The following NOL4 variants were observed in gnomAD, a reference collection of about 807,000 sequenced individuals.
The protein encoded by NOL4 is cancer/testis antigen 125.
NOL4 carries 17 observed loss-of-function variants against 75.9 expected under a neutral mutation model. The ratio of observed to expected loss-of-function variants is 0.22; its 90% CI spans 0.15 to 0.34. NOL4 has a LOEUF of 0.34. NOL4 is among the 10% of genes least tolerant of loss of function. The pLI is 1.00. For missense variants in NOL4, 614 were observed against 793.5 expected (o/e 0.77, Z 2.72); for synonymous variants, 292 against 289.9 (o/e 1.01, Z -0.07).
chr18:34,079,265 G>T (rs988038320), intron 5 of NOL4, among the ~76,000 whole-genome samples: 2 of 152,020 alleles, frequency 1.3e-5, no homozygotes, highest in African/African-American at 4.8e-5. Flanking sequence ...CGCATCATAT[G>T]TCTATCATTG....
At chr18:33,886,294 G>A (rs1475263818) in intron 9 of NOL4, among the ~76,000 whole-genome samples, 12 of 152,002 alleles carry the variant, frequency 7.9e-5, no homozygotes, top group African/African-American at 1.9e-4. Flanking sequence ...TTGGGAGGCT[G>A]AGCCGGGTGG....
At chr18:33,948,503 G>T (rs1284472899) in intron 8 of NOL4, among the ~76,000 whole-genome samples, 1 of 151,916 alleles carries the variant, frequency 6.6e-6, no homozygotes, top group African/African-American at 2.4e-5. Context: ...GAGATAGTCT[G>T]CAACTAAGTC....
At position 33,851,675 on chromosome 18, in the gene NOL4, T is replaced by C. The variant is rs2144076817; in HGVS notation, c.*1167A>G. 6.6e-6 allele frequency: 1 copy of C among 152,500 alleles called. No homozygotes were observed. The highest frequency in any genetic ancestry group is 2.1e-4 in the South Asian group (1 of 4,826). 9.4% of individuals were successfully genotyped at this position (152,500 alleles called of 1,614,324 possible). The stretch of plus-strand genomic sequence containing the variant: ...ACAAAGAAAACATCACTCATGTGTA[T>C]CCCACACTATAAAATAAGAAAGAAG... On this transcript the variant is annotated 3_prime_UTR_variant, in exon 11 of 11. Coordinates refer to ENST00000261592, the MANE Select transcript of NOL4 (RefSeq NM_003787.5).
At chr18:34,125,348 G>A (rs1321969496) in intron 2 of NOL4, among the ~76,000 whole-genome samples, 4 of 152,158 alleles carry the variant, frequency 2.6e-5, no homozygotes, top group African/African-American at 9.7e-5. Context: ...ATATGTGAGT[G>A]AATTGTGGCC....
intron 1 of NOL4, among the ~76,000 whole-genome samples, chr18:34,190,076 A>ACG (rs1467629827): frequency 4.0e-5 from 6 of 149,358 alleles, no homozygotes; most frequent in Non-Finnish European, 8.9e-5. Context: ...ATATACATAC[A>ACG]CACACACACA....
intron 6 of NOL4, among the ~76,000 whole-genome samples, chr18:34,016,158 A>G (rs1478855182): frequency 6.6e-6 from 1 of 152,098 alleles, no homozygotes. Flanking sequence ...AGTCCTGCAA[A>G]TACAATGTCA....
intron 7 of NOL4, among the ~76,000 whole-genome samples, 189 bp from the exon 8 acceptor site, chr18:33,957,706 TAGAG>T (rs1267674166): frequency 6.6e-6 from 1 of 151,702 alleles, no homozygotes; most frequent in African/African-American, 2.4e-5. Context: ...GATTAAAAAA[TAGAG>T]AGAAAAAGAG....
intron 9 of NOL4, among the ~76,000 whole-genome samples, chr18:33,913,792 G>T (rs1269230658): frequency 6.6e-6 from 1 of 152,118 alleles, no homozygotes; most frequent in Non-Finnish European, 1.5e-5. Flanking sequence ...GCCACACTAT[G>T]AGACACACAA....
intron 2 of NOL4, among the ~76,000 whole-genome samples, chr18:34,123,397 C>A (rs2080235742): frequency 6.6e-6 from 1 of 151,132 alleles, no homozygotes; most frequent in South Asian, 2.1e-4. Flanking sequence ...ATTTAGAAAT[C>A]ACTTGTGTAA....
intron 9 of NOL4, among the ~76,000 whole-genome samples, chr18:33,935,177 A>G (rs1421961519): frequency 6.6e-6 from 1 of 152,060 alleles, no homozygotes; most frequent in African/African-American, 2.4e-5. Flanking sequence ...GTAGCATTCT[A>G]ATATTCTCCA....
intron 5 of NOL4, among the ~76,000 whole-genome samples, chr18:34,054,383 A>G (rs987889721): frequency 3.3e-5 from 5 of 151,842 alleles, no homozygotes; most frequent in African/African-American, 1.2e-4. Flanking sequence ...GGGAACTCTG[A>G]TATTGGGTGC....
intron 4 of NOL4, among the ~76,000 whole-genome samples, chr18:34,102,012 A>G (rs1462086480): frequency 1.3e-5 from 2 of 151,872 alleles, no homozygotes; most frequent in African/African-American, 4.8e-5. Context: ...TCCTGCAGCT[A>G]CTAGATATAT....
rs748877588 is a variant in NOL4, at chr18:34,106,692, TTC to T, written c.415-1534_415-1533del. Among the ~76,000 whole-genome samples the T allele has an allele frequency of 1.1e-4, 16 of 151,806 alleles. No homozygotes were observed. The East Asian group carries it at 1.5e-3, about 15-fold the overall frequency. ...TATATAATTTAGGTTCTCATTCATT[TTC>T]TCTCTCTTTCCCTATAAACACACAC... On this transcript the variant is annotated intron_variant, in intron 2 of 10. Transcript: ENST00000261592.
intron 5 of NOL4, among the ~76,000 whole-genome samples, chr18:34,073,257 G>T (rs1408045351): frequency 1.5e-4 from 23 of 151,870 alleles, no homozygotes; most frequent in Admixed American, 1.5e-3. Context: ...ACGCTCTACA[G>T]AAATTCACAG....
At chr18:34,111,094 A>T (rs77288300) in intron 2 of NOL4, among the ~76,000 whole-genome samples, 4,806 of 152,270 alleles carry the variant, frequency 0.032, 79 homozygotes, top group Middle Eastern at 0.048. Context: ...AAACTGGATA[A>T]CCAAATGTGG....
intron 5 of NOL4, among the ~76,000 whole-genome samples, chr18:34,082,539 T>A (rs1479158460): frequency 1.3e-5 from 2 of 152,164 alleles, no homozygotes; most frequent in African/African-American, 4.8e-5. Flanking sequence ...TATGGTTGAA[T>A]TGAATGAGAG....
intron 9 of NOL4, among the ~76,000 whole-genome samples, chr18:33,889,702 C>T (rs562454375): frequency 3.3e-5 from 5 of 152,230 alleles, no homozygotes; most frequent in African/African-American, 4.8e-5. Context: ...ATCAAGTTGG[C>T]TTCATCCCTG....
At chr18:33,991,099 C>T (rs1220589387) in intron 6 of NOL4, among the ~76,000 whole-genome samples, 6 of 151,952 alleles carry the variant, frequency 3.9e-5, no homozygotes, top group Non-Finnish European at 8.8e-5. Flanking sequence ...ATTTTCTTCT[C>T]ATTCAACTTA....
At chr18:34,075,516 C>A (rs1288826626) in intron 5 of NOL4, among the ~76,000 whole-genome samples, 3 of 152,074 alleles carry the variant, frequency 2.0e-5, no homozygotes, top group Non-Finnish European at 4.4e-5. Flanking sequence ...CCACTTGTGG[C>A]ATCATGTTGG....
Sources: gnomAD v4.1 joint callset for allele counts (sites outside exome capture counted in the v4.1 genomes callset) on GRCh38, gnomAD v4.1.1 for gene constraint, MANE v1.5 for transcripts, NCBI Gene and HGNC (gene_info 2026-07-23, HGNC 2026-07-21) for gene names.